APBB1IP: variants seen among roughly 807,000 people sequenced by gnomAD.
APBB1IP encodes amyloid beta precursor protein binding family B member 1 interacting protein, also known as amyloid beta A4 precursor protein-binding family B member 1-interacting protein.
Under a neutral mutation model 64.9 loss-of-function variants are expected in APBB1IP, and 27 were observed. That is an observed-to-expected ratio of 0.42 (90% CI 0.31 to 0.57). The LOEUF is 0.57. APBB1IP is among the 20% of genes least tolerant of loss of function. The probability of loss-of-function intolerance (pLI) is 0.20; values close to 1 mark genes in which losing one functional copy is unlikely to be tolerated. For missense variants in APBB1IP, 812 were observed against 845.5 expected, an observed-to-expected ratio of 0.96 and a Z score of 0.49; for synonymous variants, 392 against 331.0, an observed-to-expected ratio of 1.18 and a Z score of -2.00.
chr10:26,453,067 G>C (rs1200170069), intron 2 of APBB1IP, among the ~76,000 whole-genome samples: 1 of 152,152 alleles, frequency 6.6e-6, no homozygotes, highest in Non-Finnish European at 1.5e-5. Context: ...TACTAAGAGA[G>C]TTGAGGTATA....
intron 2 of APBB1IP, among the ~76,000 whole-genome samples, chr10:26,451,999 A>G (rs910570379): frequency 6.6e-6 from 1 of 152,258 alleles, no homozygotes; most frequent in African/African-American, 2.4e-5. Flanking sequence ...GTAAATGTAC[A>G]AATAAATAAA....
chr10:26,439,193 C>CCAGCAGGTCAGCAGGT (rs555754524), intron 2 of APBB1IP, among the ~76,000 whole-genome samples: 1 of 152,228 alleles, frequency 6.6e-6, no homozygotes, highest in South Asian at 2.1e-4. Context: ...CCTTGCACGT[C>CCAGCAGGTCAGCAGGT]CAGCAGGTCA....
At chr10:26,547,419 G>A (rs1427818579) in intron 11 of APBB1IP, among the ~76,000 whole-genome samples, 2 of 151,572 alleles carry the variant, frequency 1.3e-5, no homozygotes, top group African/African-American at 4.8e-5. Context: ...CTTTTTGTTG[G>A]TTTGTTTGTT....
intron 2 of APBB1IP, among the ~76,000 whole-genome samples, chr10:26,478,916 C>T (rs1423143383): frequency 2.0e-5 from 3 of 151,334 alleles, no homozygotes; most frequent in Admixed American, 2.0e-4. Context: ...ATGAAGTCTC[C>T]CTTTAAAAAA....
At chr10:26,515,308 G>A (rs188957483) in intron 8 of APBB1IP, among the ~76,000 whole-genome samples, 6 of 152,330 alleles carry the variant, frequency 3.9e-5, no homozygotes, top group African/African-American at 1.4e-4. Flanking sequence ...TCCAGCCACA[G>A]GTAGCTAGAC....
chr10:26,454,000 C>T (rs1835493819), intron 2 of APBB1IP, among the ~76,000 whole-genome samples: 1 of 152,194 alleles, frequency 6.6e-6, no homozygotes, highest in Admixed American at 6.5e-5. Context: ...AAATATGGTA[C>T]TTATCCACAA....
At chr10:26,477,326 A>C (rs1240049759) in intron 2 of APBB1IP, among the ~76,000 whole-genome samples, 1 of 152,204 alleles carries the variant, frequency 6.6e-6, no homozygotes, top group East Asian at 1.9e-4. Flanking sequence ...TCTCAATTAA[A>C]AGTATTTCTT....
intron 8 of APBB1IP, among the ~76,000 whole-genome samples, chr10:26,520,481 T>C (rs1051511481): frequency 2.6e-5 from 4 of 152,242 alleles, no homozygotes; most frequent in Non-Finnish European, 5.9e-5. Flanking sequence ...GTACCAATAC[T>C]GAAGTCTTCA....
chr10:26,513,507 G>T, intron 7 of APBB1IP, 32 bp from the exon 8 acceptor site: 1 of 1,609,690 alleles, frequency 6.2e-7, no homozygotes, highest in Non-Finnish European at 8.5e-7. Flanking sequence ...GATGTCTTGG[G>T]TCTGAAAGAA....
intron 11 of APBB1IP, among the ~76,000 whole-genome samples, chr10:26,543,358 T>C (rs67278705): frequency 0.27 from 40,040 of 150,100 alleles, 6,226 homozygotes; most frequent in Non-Finnish European, 0.35. Context: ...TCCCGCTACT[T>C]GGGGGGCTTG....
At chr10:26,549,124 C>G (rs897929811) in intron 11 of APBB1IP, among the ~76,000 whole-genome samples, 1 of 152,174 alleles carries the variant, frequency 6.6e-6, no homozygotes, top group African/African-American at 2.4e-5. Context: ...TGATGTGTCA[C>G]ATTTATTGAT....
intron 7 of APBB1IP, among the ~76,000 whole-genome samples, chr10:26,512,669 C>T (rs1235702913): frequency 6.6e-6 from 1 of 152,082 alleles, no homozygotes; most frequent in Non-Finnish European, 1.5e-5. Flanking sequence ...TGCAATGGCG[C>T]AATCACGGGT....
intron 14 of APBB1IP, among the ~76,000 whole-genome samples, chr10:26,564,793 ACT>A (rs898299028): frequency 7.2e-5 from 11 of 152,050 alleles, no homozygotes; most frequent in African/African-American, 2.4e-4. Flanking sequence ...ACAGAACGAG[ACT>A]CTGCCTCAAA....
intron 8 of APBB1IP, among the ~76,000 whole-genome samples, chr10:26,524,814 A>T (rs1004758215): frequency 1.3e-5 from 2 of 151,744 alleles, no homozygotes; most frequent in Non-Finnish European, 2.9e-5. Context: ...AGTAAGCTAC[A>T]CTCTACAGGG....
intron 2 of APBB1IP, among the ~76,000 whole-genome samples, chr10:26,474,435 C>G (rs1835753600): frequency 6.6e-6 from 1 of 152,194 alleles, no homozygotes; most frequent in Non-Finnish European, 1.5e-5. Flanking sequence ...AAGAATTTTA[C>G]TAATCGCCCA....
chr10:26,531,004 A>T (rs533823438), intron 8 of APBB1IP, among the ~76,000 whole-genome samples: 6 of 152,344 alleles, frequency 3.9e-5, no homozygotes, highest in Middle Eastern at 3.4e-3. Context: ...ATAAAAGTTT[A>T]AAAGTCTTGG....
chr10:26,548,638 G>GA (rs1836795676), intron 11 of APBB1IP, among the ~76,000 whole-genome samples: 2 of 152,028 alleles, frequency 1.3e-5, no homozygotes, highest in South Asian at 4.1e-4. Context: ...TTGATTTTCA[G>GA]ATAGTTGGCT....
At chr10:26,478,230 T>C (rs1835797630) in intron 2 of APBB1IP, among the ~76,000 whole-genome samples, 1 of 152,076 alleles carries the variant, frequency 6.6e-6, no homozygotes. Context: ...GGAACAGGTG[T>C]TCCAGGCAGA....
Position 26,567,336 on chromosome 10 carries a change from G to T in APBB1IP, c.1849G>T (p.Ala617Ser), listed in dbSNP as rs7903226. The T allele has an allele frequency of 4.3e-6, 6 of 1,380,268 alleles. No individual in the cohort carries two copies. Among genetic ancestry groups the T allele is most frequent in the African/African-American group, 1.6e-5 (1 of 64,472 alleles). The allele number at this position is 1,380,268 out of a possible 1,614,324, so 85.5% of individuals were successfully genotyped here. A position where few individuals can be genotyped will look rare whatever the true frequency, so the allele number is the denominator to read the frequency against. ...CGCGCCCGCCCCCGTCCCCGACTCC[G>T]CCAGGCCGCCCCCCGCGGTGGCCAA... ...APAPAPVPDS[A>S]RPPPAVAKRP... The change falls in exon 15 of 15, where the codon GCC becomes TCC. Residue 617 changes from alanine (A) to serine (S), a missense_variant. Physicochemically the swap from Ala to Ser is moderately conservative, Grantham distance 99. This residue lies in a region of APBB1IP where 381 missense variants were observed against 352.1 expected (regional missense o/e 1.08). Transcript: ENST00000376236.
Sources: allele counts gnomAD v4.1 joint callset (sites outside exome capture counted in the v4.1 genomes callset), GRCh38; gene constraint gnomAD v4.1.1; regional missense constraint gnomAD v4.1.1; transcripts MANE v1.5; gene names NCBI Gene and HGNC (gene_info 2026-07-23, HGNC 2026-07-21).